The following NR3C2 variants were observed in gnomAD, a reference collection of about 807,000 sequenced individuals.
NR3C2 encodes the protein nuclear receptor subfamily 3 group C member 2.
Under a neutral mutation model 86.4 loss-of-function variants are expected in NR3C2, and 15 were observed. The ratio of observed to expected loss-of-function variants is 0.17; its 90% CI spans 0.12 to 0.27. The LOEUF is 0.27. NR3C2 is among the 10% of genes least tolerant of loss of function. The pLI, the probability that NR3C2 is intolerant of heterozygous loss-of-function variation, is 1.00. For synonymous variants in NR3C2, 458 were observed against 450.5 expected (o/e 1.02, Z -0.21); for missense variants, 960 against 1,195.6 (o/e 0.80, Z 2.91).
At chr4:148,192,500 T>C (rs538997749) in intron 4 of NR3C2, among the ~76,000 whole-genome samples, 58 of 152,284 alleles carry the variant, frequency 3.8e-4, no homozygotes, top group Non-Finnish European at 4.7e-4. Flanking sequence ...TCAGTTGTAG[T>C]AGTGTGCTGA....
At chr4:148,106,857 A>T (rs1034917488) in intron 8 of NR3C2, among the ~76,000 whole-genome samples, 1 of 152,194 alleles carries the variant, frequency 6.6e-6, no homozygotes, top group Admixed American at 6.5e-5. Context: ...ACAAAAATCA[A>T]CTCAAGATGG....
At chr4:148,422,164 A>G (rs1463906233) in intron 2 of NR3C2, among the ~76,000 whole-genome samples, 1 of 152,132 alleles carries the variant, frequency 6.6e-6, no homozygotes, top group African/African-American at 2.4e-5. Flanking sequence ...CACCTTACAC[A>G]TAGCAACCAA....
At chr4:148,196,905 C>T (rs1448183738) in intron 3 of NR3C2, among the ~76,000 whole-genome samples, 3 of 152,164 alleles carry the variant, frequency 2.0e-5, no homozygotes, top group Non-Finnish European at 4.4e-5. Context: ...TGATGTTGTA[C>T]AGCAGCTTAG....
At chr4:148,192,401 C>T (rs1015585778) in intron 4 of NR3C2, among the ~76,000 whole-genome samples, 3 of 152,158 alleles carry the variant, frequency 2.0e-5, no homozygotes, top group African/African-American at 7.2e-5. Flanking sequence ...GTGCAATGGA[C>T]TCTGTGAGGG....
In NR3C2 at chr4:148,257,769, T is replaced by TG. The variant is rs1454568575; in HGVS notation, c.1897+2208_1897+2209insC. 2.0e-5 allele frequency among the ~76,000 whole-genome samples: 3 copies of TG among 151,956 alleles called. No individual in the cohort carries two copies. In the East Asian group the frequency reaches 5.8e-4, roughly 29 times the overall value. ...AAAAATACAAAAACACAAAAACAAATAGGTCTTTACTCTCATGAATTTTAG... is the reference window on the plus strand; with the variant it reads ...AAAAATACAAAAACACAAAAACAAATGAGGTCTTTACTCTCATGAATTTTAG... On this transcript the variant is annotated intron_variant, in intron 3 of 8. Transcript: ENST00000358102.
At chr4:148,155,411 A>G (rs546006220) in intron 4 of NR3C2, among the ~76,000 whole-genome samples, 2 of 152,332 alleles carry the variant, frequency 1.3e-5, no homozygotes, top group African/African-American at 4.8e-5. Context: ...CAACTTCAGC[A>G]AAGTCTCAGG....
intron 2 of NR3C2, among the ~76,000 whole-genome samples, chr4:148,291,323 C>T (rs1049636075): frequency 6.6e-6 from 1 of 151,898 alleles, no homozygotes; most frequent in Non-Finnish European, 1.5e-5. Flanking sequence ...TATAAGGGAA[C>T]AAATATGAAT....
intron 3 of NR3C2, among the ~76,000 whole-genome samples, chr4:148,239,476 G>A (rs1738910945): frequency 6.6e-6 from 1 of 152,150 alleles, no homozygotes; most frequent in East Asian, 1.9e-4. Context: ...CTCTGCCTCT[G>A]GTTGAAGGCT....
chr4:148,329,039 G>A (rs572649861), intron 2 of NR3C2, among the ~76,000 whole-genome samples: 2 of 152,266 alleles, frequency 1.3e-5, no homozygotes, highest in South Asian at 4.2e-4. Context: ...AAGATGGTGC[G>A]AGGAAGGTCA....
chr4:148,163,064 A>G (rs1734736076), intron 4 of NR3C2, among the ~76,000 whole-genome samples: 2 of 152,210 alleles, frequency 1.3e-5, no homozygotes, highest in African/African-American at 4.8e-5. Context: ...TCTATTTTCT[A>G]TTTCCACTGA....
At chr4:148,392,992 T>C (rs1474372873) in intron 2 of NR3C2, among the ~76,000 whole-genome samples, 3 of 152,198 alleles carry the variant, frequency 2.0e-5, no homozygotes, top group Non-Finnish European at 2.9e-5. Context: ...TACTAAAATG[T>C]ATTGTTTCCA....
At chr4:148,243,135 ATCC>A (rs1261462277) in intron 3 of NR3C2, among the ~76,000 whole-genome samples, 1 of 152,002 alleles carries the variant, frequency 6.6e-6, no homozygotes, top group Non-Finnish European at 1.5e-5. Context: ...GGCTCAAGAA[ATCC>A]TCCTGCCTCA....
chr4:148,416,050 T>C (rs1226586427), intron 2 of NR3C2, among the ~76,000 whole-genome samples: 5 of 152,140 alleles, frequency 3.3e-5, no homozygotes, highest in Non-Finnish European at 7.4e-5. Flanking sequence ...TAATATTAAA[T>C]ATAAAAAATA....
intron 6 of NR3C2, among the ~76,000 whole-genome samples, chr4:148,122,853 T>C (rs535879789): frequency 1.2e-3 from 184 of 152,302 alleles, no homozygotes; most frequent in Non-Finnish European, 2.3e-3. Context: ...ACTGTACAAA[T>C]TGATTGTAAA....
At chr4:148,226,687 T>C (rs1458142777) in intron 3 of NR3C2, among the ~76,000 whole-genome samples, 18 of 152,182 alleles carry the variant, frequency 1.2e-4, no homozygotes, top group Admixed American at 1.0e-3. Flanking sequence ...TGTGCCATTT[T>C]ATGCTTCCCA....
chr4:148,128,929 C>T (rs1227618888), intron 6 of NR3C2, among the ~76,000 whole-genome samples: 1 of 152,160 alleles, frequency 6.6e-6, no homozygotes, highest in Non-Finnish European at 1.5e-5. Flanking sequence ...AAGATGACTT[C>T]CATTTTTTGT....
intron 3 of NR3C2, among the ~76,000 whole-genome samples, chr4:148,204,022 T>C (rs1193741060): frequency 6.6e-6 from 1 of 152,202 alleles, no homozygotes; most frequent in African/African-American, 2.4e-5. Context: ...GTTTCAAGAG[T>C]TCTTCCCATG....
chr4:148,314,747 T>C (rs144457237), intron 2 of NR3C2, among the ~76,000 whole-genome samples: 114 of 152,316 alleles, frequency 7.5e-4, no homozygotes, highest in African/African-American at 2.5e-3. Flanking sequence ...AAAGGAAAAT[T>C]GAAATTGAAA....
At chr4:148,174,260 T>C (rs1430976187) in intron 4 of NR3C2, among the ~76,000 whole-genome samples, 2 of 152,204 alleles carry the variant, frequency 1.3e-5, no homozygotes, top group Non-Finnish European at 2.9e-5. Flanking sequence ...TTTTCAACTC[T>C]AGAGTATTTT....
Sources: allele counts gnomAD v4.1 joint callset (sites outside exome capture counted in the v4.1 genomes callset), GRCh38; gene constraint gnomAD v4.1.1; transcripts MANE v1.5; gene names NCBI Gene and HGNC (gene_info 2026-07-23, HGNC 2026-07-21).